SLC17A8: variants seen among roughly 807,000 people sequenced by gnomAD.
SLC17A8 encodes the protein vesicular glutamate transporter 3.
SLC17A8 carries 31 observed loss-of-function variants against 58.0 expected under a neutral mutation model. The ratio of observed to expected loss-of-function variants is 0.53; its 90% CI spans 0.40 to 0.72. The LOEUF (loss-of-function observed/expected upper bound fraction) is 0.72. Among genes scored for constraint, SLC17A8 ranks in the 30% least tolerant of loss-of-function variants. The probability of loss-of-function intolerance (pLI) is 0.00; values close to 1 mark genes in which losing one functional copy is unlikely to be tolerated. For missense variants in SLC17A8, 655 were observed against 727.8 expected, an observed-to-expected ratio of 0.90 and a Z score of 1.15; for synonymous variants, 228 against 249.0, an observed-to-expected ratio of 0.92 and a Z score of 0.79.
intron 9 of SLC17A8, among the ~76,000 whole-genome samples, chr12:100,408,272 C>T (rs1952840973): frequency 1.3e-5 from 2 of 152,098 alleles, no homozygotes; most frequent in Non-Finnish European, 2.9e-5. Flanking sequence ...ACATGATGTT[C>T]AATTCATTCT....
chr12:100,412,802 G>T lies in SLC17A8; in HGVS notation c.1219G>T (p.Val407Phe). 2 of 1,614,102 alleles carry T rather than the reference G, an allele frequency of 1.2e-6. No homozygotes were observed. The highest frequency in any genetic ancestry group is 1.3e-5 in the African/African-American group (1 of 75,024). The change falls in exon 10 of 12, where the codon GTT becomes TTT. Residue 407 changes from valine (V) to phenylalanine (F), a missense_variant. By Grantham distance (50) the Val-to-Phe change is conservative. Transcript: ENST00000323346. ...CATGGAGGCAACCTTACTCCTGGTGGTTGGCTTTTCGCATACCAAAGGGGT... is the reference window on the plus strand; with the variant it reads ...CATGGAGGCAACCTTACTCCTGGTGTTTGGCTTTTCGCATACCAAAGGGGT... ...FGMEATLLLV[V>F]GFSHTKGVAI... is the part of the protein sequence containing the mutation.
At chr12:100,379,974 C>T (rs977327670) in intron 1 of SLC17A8, among the ~76,000 whole-genome samples, 5 of 151,862 alleles carry the variant, frequency 3.3e-5, no homozygotes, top group East Asian at 3.9e-4. Context: ...CTGAGGCGGG[C>T]GGATCATCTG....
chr12:100,396,644 G>T (rs533100587), intron 5 of SLC17A8, among the ~76,000 whole-genome samples: 1 of 152,088 alleles, frequency 6.6e-6, no homozygotes, highest in East Asian at 1.9e-4. Context: ...TAGCTACTAG[G>T]GAGGCTGAGG....
In SLC17A8 at chr12:100,409,247, G is replaced by A. The variant is rs1454824115; in HGVS notation, c.1187-3523G>A. On this transcript the variant is annotated intron_variant, in intron 9 of 11. Transcript: ENST00000323346. ...GTTGCCCAGGCTGGAGTGCAGTGGTGCAATCTTGGCTCACTGCAACCTCCA... is the reference window on the plus strand; with the variant it reads ...GTTGCCCAGGCTGGAGTGCAGTGGTACAATCTTGGCTCACTGCAACCTCCA... Among the ~76,000 whole-genome samples the A allele has an allele frequency of 2.6e-5, 4 of 152,044 alleles. No homozygotes were observed. The East Asian group carries it at 5.8e-4, about 22-fold the overall frequency.
At chr12:100,371,968 A>G (rs1466236368) in intron 1 of SLC17A8, among the ~76,000 whole-genome samples, 1 of 152,172 alleles carries the variant, frequency 6.6e-6, no homozygotes, top group Non-Finnish European at 1.5e-5. Flanking sequence ...GAGATAATAT[A>G]TATTTTATAG....
In SLC17A8 at chr12:100,404,079, C is replaced by G. The variant is rs112540425; in HGVS notation, c.1095C>G (p.Ile365Met). The change falls in exon 9 of 12, where the codon ATC (isoleucine) becomes ATG (methionine). Residue 365 changes from isoleucine (I) to methionine (M), a missense_variant. Transcript: ENST00000323346. ...CAGTCCCACACATGGTTATGACAATCGTTGTACCTATTGGAGGACAATTGG... is the reference window on the plus strand; with the variant it reads ...CAGTCCCACACATGGTTATGACAATGGTTGTACCTATTGGAGGACAATTGG... ...LSAVPHMVMT[I>M]VVPIGGQLAD... 6.2e-6 allele frequency: 10 copies of G among 1,613,968 alleles called. No individual in the cohort carries two copies. The highest frequency in any genetic ancestry group is 8.5e-6 in the Non-Finnish European group (10 of 1,179,992).
chr12:100,378,761 T>G (rs1316679530), intron 1 of SLC17A8, among the ~76,000 whole-genome samples: 1 of 151,968 alleles, frequency 6.6e-6, no homozygotes, highest in Non-Finnish European at 1.5e-5. Context: ...GGCCGGCAGG[T>G]AGGTAGGTAC....
chr12:100,388,426 T>G (rs973063802), intron 2 of SLC17A8, among the ~76,000 whole-genome samples: 9 of 152,256 alleles, frequency 5.9e-5, no homozygotes, highest in African/African-American at 2.2e-4. Flanking sequence ...CATAGAACTA[T>G]GCGTGTTACA....
chr12:100,413,122 T>C (rs1012644607), intron 10 of SLC17A8, among the ~76,000 whole-genome samples: 1 of 152,134 alleles, frequency 6.6e-6, no homozygotes, highest in Non-Finnish European at 1.5e-5. Context: ...AGACACAAAG[T>C]GCAGATGACC....
At chr12:100,388,535 TGAGAAATA>T (rs899894123) in intron 2 of SLC17A8, among the ~76,000 whole-genome samples, 3 of 152,288 alleles carry the variant, frequency 2.0e-5, no homozygotes, top group East Asian at 1.9e-4. Flanking sequence ...ATCCGTAAAA[TGAGAAATA>T]GAGAGTATAG....
At chr12:100,367,619 T>C (rs531546632) in intron 1 of SLC17A8, among the ~76,000 whole-genome samples, 2 of 152,322 alleles carry the variant, frequency 1.3e-5, no homozygotes, top group East Asian at 3.9e-4. Context: ...GGCACAATCA[T>C]ACCTCACGGC....
intron 2 of SLC17A8, among the ~76,000 whole-genome samples, 186 bp downstream of exon 2, chr12:100,381,139 AT>A (rs1952634734): frequency 6.6e-6 from 1 of 151,404 alleles, no homozygotes; most frequent in Admixed American, 6.6e-5. Flanking sequence ...CCATCTCAGC[AT>A]CTCAGCATCT....
At chr12:100,400,042 G>A (rs1420279120) in intron 5 of SLC17A8, among the ~76,000 whole-genome samples, 2 of 152,104 alleles carry the variant, frequency 1.3e-5, no homozygotes, top group Non-Finnish European at 1.5e-5. Flanking sequence ...CAGGTTGAAG[G>A]AGAGTTAAAC....
intron 10 of SLC17A8, among the ~76,000 whole-genome samples, chr12:100,416,353 A>G (rs984656774): frequency 2.0e-5 from 3 of 152,214 alleles, no homozygotes; most frequent in Non-Finnish European, 2.9e-5. Context: ...ATTCAAATCC[A>G]TGGTAAGATT....
rs549448921 is a variant in SLC17A8, at chr12:100,406,299, T to A, written c.1186+2129T>A. On this transcript the variant is annotated intron_variant, in intron 9 of 11. Transcript: ENST00000323346. ...CATGTGGTGCCTTATTGCAGCTCTC[T>A]CAGGAAAAGATTTTAGGCAGAGGGA... 2.6e-5 allele frequency among the ~76,000 whole-genome samples: 4 copies of A among 152,242 alleles called. No individual in the cohort carries two copies. In the South Asian group the frequency reaches 8.3e-4, roughly 32 times the overall value.
At position 100,391,014 on chromosome 12, in the gene SLC17A8, A is replaced by T. The variant is rs1952711809; in HGVS notation, c.368A>T (p.Asn123Ile). 1.2e-6 allele frequency: 2 copies of T among 1,610,804 alleles called. No individual in the cohort carries two copies. Among genetic ancestry groups the T allele is most frequent in the Admixed American group, 1.7e-5 (1 of 60,000 alleles). Residue 123 changes from asparagine to isoleucine, a missense_variant, in exon 3 of 12, where the codon AAC becomes ATC. Asn to Ile is a moderately radical substitution (Grantham distance 149). Transcript: ENST00000323346. ...TCTCATTTCCAGACAGCACAGTTTA[A>T]CTGGGATCCAGAAACAGTGGGCCTT... is the stretch of plus-strand genomic sequence containing the variant. ...GKPEIQTAQF[N>I]WDPETVGLIH... is the part of the protein sequence containing the mutation.
chr12:100,388,716 T>C (rs1225335598), intron 2 of SLC17A8, among the ~76,000 whole-genome samples: 1 of 152,234 alleles, frequency 6.6e-6, no homozygotes, highest in Admixed American at 6.5e-5. Context: ...GAAAATAAGA[T>C]AAGCAGTGAT....
intron 2 of SLC17A8, among the ~76,000 whole-genome samples, chr12:100,389,964 G>T (rs1163268504): frequency 6.6e-6 from 1 of 152,010 alleles, no homozygotes; most frequent in East Asian, 1.9e-4. Flanking sequence ...GGGATTACAG[G>T]CGTCTGCCAC....
At chr12:100,409,591 T>A (rs1952852310) in intron 9 of SLC17A8, among the ~76,000 whole-genome samples, 1 of 152,168 alleles carries the variant, frequency 6.6e-6, no homozygotes, top group South Asian at 2.1e-4. Flanking sequence ...AAAGCAATAT[T>A]GAAAAGTTCT....
Sources: gnomAD v4.1 joint callset for allele counts (sites outside exome capture counted in the v4.1 genomes callset) on GRCh38, gnomAD v4.1.1 for gene constraint, MANE v1.5 for transcripts, NCBI Gene and HGNC (gene_info 2026-07-23, HGNC 2026-07-21) for gene names.